NLRP7: variants seen among roughly 807,000 people sequenced by gnomAD.
NLRP7 encodes the protein NACHT, LRR and PYD domains-containing protein 7.
Under a neutral mutation model 85.5 loss-of-function variants are expected in NLRP7, and 72 were observed. That is an observed-to-expected ratio of 0.84 (90% CI 0.70 to 1.02). The LOEUF (loss-of-function observed/expected upper bound fraction) is 1.02. Among genes scored for constraint, NLRP7 ranks in the 50% least tolerant of loss-of-function variants. NLRP7 has a pLI of 0.00. For synonymous variants in NLRP7, 550 were observed against 505.2 expected (o/e 1.09, Z -1.19); for missense variants, 1,243 against 1,219.5 (o/e 1.02, Z -0.29).
intron 6 of NLRP7, among the ~76,000 whole-genome samples, chr19:54,935,228 G>A (rs111599175): frequency 5.1e-5 from 1 of 19,574 alleles, no homozygotes; most frequent in Admixed American, 6.6e-4. Flanking sequence ...TTGCAGGGGG[G>A]AAAAAAAAAT....
At chr19:54,926,206 G>T (rs1381658517) in intron 9 of NLRP7, among the ~76,000 whole-genome samples, 1 of 29,762 alleles carries the variant, frequency 3.4e-5, no homozygotes, top group Non-Finnish European at 5.6e-5. Flanking sequence ...ATGATTAGGG[G>T]TGTGTGTGTG....
At chr19:54,941,364 A>C in intron 2 of NLRP7, 71 bp downstream of exon 2, 1 of 1,138,688 alleles carries the variant, frequency 8.8e-7, no homozygotes, top group South Asian at 1.3e-5. Flanking sequence ...CCTGGGCGAC[A>C]GAACGAGACT....
intron 6 of NLRP7, among the ~76,000 whole-genome samples, chr19:54,935,647 G>A (rs542470512): frequency 1.7e-4 from 25 of 150,416 alleles, no homozygotes; most frequent in Admixed American, 3.3e-4. Context: ...GAACGAGATC[G>A]CGCCACTGCG....
intron 1 of NLRP7, among the ~76,000 whole-genome samples, chr19:54,962,298 G>A (rs1188925572): frequency 8.1e-6 from 1 of 123,338 alleles, no homozygotes; most frequent in African/African-American, 3.1e-5. Flanking sequence ...ACAGAGTTTC[G>A]CTCTTGTTGC....
chr19:54,953,873 G>A (rs868547241), intron 1 of NLRP7, among the ~76,000 whole-genome samples: 5 of 151,788 alleles, frequency 3.3e-5, no homozygotes, highest in Admixed American at 1.3e-4. Flanking sequence ...TGGGCGTGGT[G>A]GCGGGCGCCT....
At chr19:54,940,417 C>A (rs2069172525) in exon 4 of NLRP7, 7 of 1,613,882 alleles carry the variant, frequency 4.3e-6, no homozygotes, top group African/African-American at 1.3e-5. Flanking sequence ...AGGTGTTCTT[C>A]CAGACCAAAG....
Position 54,934,641 on chromosome 19 carries a change from G to A in NLRP7, c.2319C>T (p.Ala773=), listed in dbSNP as rs755640446. The A allele has an allele frequency of 1.4e-5, 23 of 1,613,506 alleles. No homozygotes were observed. Among genetic ancestry groups the A allele is most frequent in the Middle Eastern group, 1.7e-4 (1 of 5,924 alleles). The change falls in exon 7 of 10, where the codon GCC becomes GCT. Residue 773 remains alanine, a synonymous_variant. Coordinates refer to ENST00000340844, the Ensembl canonical transcript of NLRP7. This position sits in a 1 kb window ranked among gnomAD's most constrained non-coding sequence, Gnocchi z 6.7. ...AGAATTCAGCCCACTGCTCCGGGGT[G>A]GCACAGTGACCTCCCAACCTGTGAA...
intron 8 of NLRP7, among the ~76,000 whole-genome samples, chr19:54,931,663 G>A (rs1257948700): frequency 4.2e-5 from 3 of 71,210 alleles, no homozygotes; most frequent in East Asian, 1.4e-3. Flanking sequence ...ACTCCAGCCT[G>A]GGCAAGAGCG....
At chr19:54,947,545 T>C, upstream of NLRP7, 1 of 1,289,700 alleles carries the variant, frequency 7.8e-7, no homozygotes, top group Non-Finnish European at 1.0e-6. Context: ...TCTCTGGCCC[T>C]TGGTACGCTA....
chr19:54,925,615 C>G (rs2068396553), intron 9 of NLRP7, among the ~76,000 whole-genome samples: 1 of 152,052 alleles, frequency 6.6e-6, no homozygotes, highest in Non-Finnish European at 1.5e-5. Context: ...AGAACCTCGG[C>G]AACACGGCCA....
At position 54,934,734 on chromosome 19, in the gene NLRP7, G is replaced by C. The variant is rs2068832879; in HGVS notation, c.2301-75C>G. Reference sequence around the variant, plus strand: ...CTATCAGCTTTTTTTTTTTGAGACAGAGTTTCACTCTGTTGCCCAGTCTGG... The same window carrying C: ...CTATCAGCTTTTTTTTTTTGAGACACAGTTTCACTCTGTTGCCCAGTCTGG... On this transcript the variant is annotated intron_variant, in intron 6 of 9. Transcript: ENST00000340844. The surrounding 1 kb of genome is among the most constrained non-coding windows in gnomAD (Gnocchi z 6.7). 8.0e-7 allele frequency: 1 copy of C among 1,246,420 alleles called. No homozygotes were observed. Among genetic ancestry groups the C allele is most frequent in the South Asian group, 1.5e-5 (1 of 68,114 alleles). 77.2% of individuals were successfully genotyped at this position (1,246,420 alleles called of 1,614,324 possible).
At chr19:54,950,181 T>G (rs2069624398), upstream of NLRP7, among the ~76,000 whole-genome samples, 1 of 151,674 alleles carries the variant, frequency 6.6e-6, no homozygotes, top group Non-Finnish European at 1.5e-5. Context: ...AGGACTGTGG[T>G]GCACCCCAGG....
chr19:54,933,347 A>G (rs1200746519), intron 8 of NLRP7, among the ~76,000 whole-genome samples: 1 of 152,014 alleles, frequency 6.6e-6, no homozygotes, highest in Non-Finnish European at 1.5e-5. Flanking sequence ...GGGTTTCACC[A>G]TGTTAACCAG....
At chr19:54,923,629 C>T in exon 10 of NLRP7, 3 of 1,249,466 alleles carry the variant, frequency 2.4e-6, no homozygotes, top group Non-Finnish European at 3.5e-6. Context: ...TCAAATCCTA[C>T]CTCTCGACAG....
At chr19:54,944,259 C>T (rs1167177748) in intron 1 of NLRP7, among the ~76,000 whole-genome samples, 7 of 150,000 alleles carry the variant, frequency 4.7e-5, no homozygotes, top group Non-Finnish European at 1.0e-4. Flanking sequence ...GTGTAAAACC[C>T]GATGGTATGT....
intron 1 of NLRP7, among the ~76,000 whole-genome samples, chr19:54,961,308 C>T (rs1568440175): frequency 6.6e-6 from 1 of 151,734 alleles, no homozygotes; most frequent in Non-Finnish European, 1.5e-5. Context: ...GTCAGGAGTC[C>T]AAGACCAGCC....
In NLRP7 at chr19:54,940,821, C is replaced by T. The variant is rs867438634; in HGVS notation, c.352+110G>A. ...CAGCCTGGGCTACAGAGCAAGATTC[C>T]GTCTCAAAAAAAAAAAAAACTACCA... is the stretch of plus-strand genomic sequence containing the variant. On this transcript the variant is annotated intron_variant, in intron 3 of 9. Coordinates refer to ENST00000340844, the Ensembl canonical transcript of NLRP7. The T allele has an allele frequency of 1.6e-4, 123 of 776,606 alleles. 1 individual carries two copies. In the Middle Eastern group the frequency reaches 1.8e-3, roughly 11 times the overall value. 48.1% of individuals were successfully genotyped at this position (776,606 alleles called of 1,614,324 possible). A position where few individuals can be genotyped will look rare whatever the true frequency, so the allele number is the denominator to read the frequency against.
At chr19:54,926,693 A>G (rs1434315745) in intron 9 of NLRP7, among the ~76,000 whole-genome samples, 1 of 152,042 alleles carries the variant, frequency 6.6e-6, no homozygotes, top group Non-Finnish European at 1.5e-5. Context: ...AGGCGAGAAG[A>G]TCACCTGAGG....
intron 1 of NLRP7, among the ~76,000 whole-genome samples, chr19:54,965,605 G>A (rs577854574): frequency 9.2e-5 from 3 of 32,656 alleles, no homozygotes; most frequent in African/African-American, 2.9e-4. Context: ...ACAGGCGCCC[G>A]CCACCACGCC....
Sources: allele counts gnomAD v4.1 joint callset (sites outside exome capture counted in the v4.1 genomes callset), GRCh38; gene constraint gnomAD v4.1.1; non-coding constraint Gnocchi (gnomAD v3.1); transcripts MANE v1.5; gene names NCBI Gene and HGNC (gene_info 2026-07-23, HGNC 2026-07-21).